The following RASEF variants were observed in gnomAD, a reference collection of about 807,000 sequenced individuals.
RASEF encodes the protein RAS and EF-hand domain containing.
RASEF carries 68 observed loss-of-function variants against 90.1 expected under a neutral mutation model. That is an observed-to-expected ratio of 0.75 (90% CI 0.62 to 0.92). The LOEUF (loss-of-function observed/expected upper bound fraction) is 0.92, where lower values mean the gene tolerates loss of function less well. RASEF is among the 40% of genes least tolerant of loss of function. The probability of loss-of-function intolerance (pLI) is 0.00; values close to 1 mark genes in which losing one functional copy is unlikely to be tolerated. For synonymous variants in RASEF, 331 were observed against 345.2 expected, an observed-to-expected ratio of 0.96 and a Z score of 0.46; for missense variants, 949 against 937.2, an observed-to-expected ratio of 1.01 and a Z score of -0.16.
the RASEF span, among the ~76,000 whole-genome samples, chr9:83,162,098 G>GA: frequency 2.6e-5 from 4 of 151,576 alleles, no homozygotes; most frequent in Non-Finnish European, 4.4e-5. Flanking sequence ...TTTTAATACA[G>GA]AAAAAAAATA....
the RASEF span, among the ~76,000 whole-genome samples, chr9:83,075,960 G>T: frequency 6.6e-6 from 1 of 152,018 alleles, no homozygotes; most frequent in Non-Finnish European, 1.5e-5. Context: ...ACAAGGTCAG[G>T]AGATTGAGAC....
At chr9:83,172,484 C>T in the RASEF span, among the ~76,000 whole-genome samples, 97 of 151,718 alleles carry the variant, frequency 6.4e-4, no homozygotes, top group African/African-American at 2.2e-3. Context: ...CTTTTGTGGA[C>T]AAGTGATTTT....
chr9:83,139,604 T>C, the RASEF span, among the ~76,000 whole-genome samples: 1 of 151,922 alleles, frequency 6.6e-6, no homozygotes, highest in African/African-American at 2.4e-5. Flanking sequence ...TCACAATGAG[T>C]AGGCTGAGGA....
At chr9:82,995,253 G>A (rs1248679220) in intron 14 of RASEF, among the ~76,000 whole-genome samples, 1 of 152,124 alleles carries the variant, frequency 6.6e-6, no homozygotes, top group Non-Finnish European at 1.5e-5. Flanking sequence ...TCCTTTTCTT[G>A]AGCATAACCC....
At chr9:83,047,942 A>G (rs773273894) in intron 1 of RASEF, among the ~76,000 whole-genome samples, 7 of 152,226 alleles carry the variant, frequency 4.6e-5, no homozygotes, top group Non-Finnish European at 1.0e-4. Flanking sequence ...GCTATGCAAA[A>G]TTGGAAATTT....
At chr9:83,170,546 C>T in the RASEF span, among the ~76,000 whole-genome samples, 1 of 151,848 alleles carries the variant, frequency 6.6e-6, no homozygotes, top group Non-Finnish European at 1.5e-5. Context: ...TTCTTCCACT[C>T]CATGAACCTG....
the RASEF span, among the ~76,000 whole-genome samples, chr9:83,214,890 C>T: frequency 6.6e-6 from 1 of 151,818 alleles, no homozygotes; most frequent in African/African-American, 2.4e-5. Context: ...GCCTAAAGAC[C>T]CACAGCCCTA....
chr9:83,030,380 A>C (rs1321213241), intron 1 of RASEF, among the ~76,000 whole-genome samples: 1 of 151,898 alleles, frequency 6.6e-6, no homozygotes. Flanking sequence ...AGATACTGTC[A>C]CCTAGAGTCC....
intron 1 of RASEF, among the ~76,000 whole-genome samples, chr9:83,038,801 T>C (rs2118630537): frequency 6.6e-6 from 1 of 152,314 alleles, no homozygotes; most frequent in Middle Eastern, 3.4e-3. Context: ...AGTATATTAG[T>C]TATCCTCATT....
At chr9:83,088,353 C>T in the RASEF span, among the ~76,000 whole-genome samples, 52 of 136,594 alleles carry the variant, frequency 3.8e-4, 1 homozygote, top group East Asian at 5.0e-3. Context: ...TATCTATATA[C>T]ACAGAGATAT....
Position 82,980,011 on chromosome 9 carries a change from G to A in RASEF, c.*2666C>T, listed in dbSNP as rs1828569699. On this transcript the variant is annotated 3_prime_UTR_variant, in exon 17 of 17. Transcript: ENST00000376447. ...ACATATGTCATATAAAGCAGCAAGT[G>A]AAAAAAATAAATTATGAAAATGCAT... 6.6e-6 allele frequency: 1 copy of A among 151,980 alleles called. No individual in the cohort carries two copies. Among genetic ancestry groups the A allele is most frequent in the Non-Finnish European group, 1.5e-5 (1 of 67,990 alleles). 9.4% of individuals were successfully genotyped at this position (151,980 alleles called of 1,614,324 possible). A position where few individuals can be genotyped will look rare whatever the true frequency, so the allele number is the denominator to read the frequency against.
the RASEF span, among the ~76,000 whole-genome samples, chr9:83,128,486 T>C: frequency 2.8e-5 from 4 of 145,252 alleles, no homozygotes; most frequent in Non-Finnish European, 6.0e-5. Context: ...TTTTGCATAC[T>C]CACAAACCAA....
chr9:83,022,421 T>C lies in RASEF; in HGVS notation c.584A>G (p.Gln195Arg). The change falls in exon 3 of 17, where the codon CAG (glutamine) becomes CGG (arginine). Residue 195 changes from glutamine to arginine, a missense_variant. By Grantham distance (43) the Gln-to-Arg change is conservative (BLOSUM62 1). Coordinates refer to ENST00000376447, the MANE Select transcript of RASEF (RefSeq NM_152573.4). The stretch of plus-strand genomic sequence containing the variant: ...ACTCAACTGCATAGCTGCCTTGTCC[T>C]GGGCTCTGAAATTCAAAAGGATGCA... ...ENLAIAVKRA[Q>R]DKAAMQLSEL... The C allele has an allele frequency of 1.9e-6, 3 of 1,613,498 alleles. 1 individual carries two copies. The highest frequency in any genetic ancestry group is 2.5e-6 in the Non-Finnish European group (3 of 1,179,418).
chr9:83,065,529 A>ACAAGTCACATTGG (rs1195378163), upstream of RASEF, among the ~76,000 whole-genome samples: 8 of 152,182 alleles, frequency 5.3e-5, no homozygotes, highest in African/African-American at 1.9e-4. Context: ...TATTCCATTG[A>ACAAGTCACATTGG]CAAGTCACAT....
chr9:83,196,369 G>A, the RASEF span, among the ~76,000 whole-genome samples: 7 of 152,176 alleles, frequency 4.6e-5, no homozygotes, highest in South Asian at 1.2e-3. Context: ...TCTTAGAACT[G>A]CAAAGGACTT....
the RASEF span, among the ~76,000 whole-genome samples, chr9:83,167,465 T>A: frequency 1.3e-5 from 2 of 152,064 alleles, no homozygotes; most frequent in Non-Finnish European, 2.9e-5. Context: ...ACTAGTGTTC[T>A]ACAGAGGTTG....
At position 82,982,793 on chromosome 9, in the gene RASEF, G is replaced by C. The variant is rs1326438477; in HGVS notation, c.2118-11C>G. On this transcript the variant is annotated splice_polypyrimidine_tract_variant and intron_variant, in intron 16 of 16. Transcript: ENST00000376447. Reference sequence around the variant, plus strand: ...CTCTTTTTCACTTCTCTGAGACAGAGATAGAGAGAGACAGAGAGAGAGAGA... The same window carrying C: ...CTCTTTTTCACTTCTCTGAGACAGACATAGAGAGAGACAGAGAGAGAGAGA... The C allele has an allele frequency of 7.3e-7, 1 of 1,377,118 alleles. No homozygotes were observed. Among genetic ancestry groups the C allele is most frequent in the South Asian group, 1.2e-5 (1 of 85,342 alleles). 85.3% of individuals were successfully genotyped at this position (1,377,118 alleles called of 1,614,324 possible).
chr9:83,139,414 C>T, the RASEF span, among the ~76,000 whole-genome samples: 1 of 152,114 alleles, frequency 6.6e-6, no homozygotes, highest in Non-Finnish European at 1.5e-5. Context: ...TGAGCAGAAG[C>T]CTTACTGATA....
At chr9:83,198,644 T>C in the RASEF span, among the ~76,000 whole-genome samples, 329 of 152,264 alleles carry the variant, frequency 2.2e-3, 2 homozygotes, top group African/African-American at 7.3e-3. Flanking sequence ...CCCTGCAACA[T>C]TTCAGGCAGT....
Sources: allele counts gnomAD v4.1 joint callset (sites outside exome capture counted in the v4.1 genomes callset), GRCh38; gene constraint gnomAD v4.1.1; transcripts MANE v1.5; gene names NCBI Gene and HGNC (gene_info 2026-07-23, HGNC 2026-07-21).